The following AP3B1 variants were observed in gnomAD, a reference collection of about 807,000 sequenced individuals.
AP3B1 encodes adaptor related protein complex 3 subunit beta 1, also known as AP-3 complex subunit beta-1.
Under a neutral mutation model 132.5 loss-of-function variants are expected in AP3B1, and 61 were observed. That is an observed-to-expected ratio of 0.46 (90% CI 0.37 to 0.57). AP3B1 has a LOEUF of 0.57. Among genes scored for constraint, AP3B1 ranks in the 20% least tolerant of loss-of-function variants. AP3B1 has a pLI of 0.00. For synonymous variants in AP3B1, 388 were observed against 438.3 expected (o/e 0.89, Z 1.43); for missense variants, 1,120 against 1,289.4 (o/e 0.87, Z 2.01).
rs145416941 is a variant in AP3B1, at chr5:78,155,030, TG to T, written c.1473+1227del. The stretch of plus-strand genomic sequence containing the variant: ...ATGCTTACAGATGTTCATCAGTCTC[TG>T]GGCATTGAAGTTAGGTATTTATTGT... On this transcript the variant is annotated intron_variant, in intron 14 of 26. Transcript: ENST00000255194. Among the ~76,000 whole-genome samples, 691 of 152,332 alleles carry T rather than the reference TG, an allele frequency of 4.5e-3. 1 individual carries two copies. Among genetic ancestry groups the T allele is most frequent in the African/African-American group, 0.016 (656 of 41,568 alleles).
intron 22 of AP3B1, among the ~76,000 whole-genome samples, chr5:78,054,604 T>G (rs900830093): frequency 6.6e-6 from 1 of 152,180 alleles, no homozygotes; most frequent in Non-Finnish European, 1.5e-5. Flanking sequence ...AGAGAAAAGC[T>G]AGGCCATGAA....
At chr5:78,198,703 C>A (rs1294664642) in intron 7 of AP3B1, among the ~76,000 whole-genome samples, 1 of 152,162 alleles carries the variant, frequency 6.6e-6, no homozygotes, top group Non-Finnish European at 1.5e-5. Context: ...ATAGCACATA[C>A]CACAGCAGTA....
intron 15 of AP3B1, 91 bp downstream of exon 15, chr5:78,141,052 G>A: frequency 1.7e-6 from 2 of 1,202,104 alleles, no homozygotes; most frequent in Non-Finnish European, 2.5e-6. Context: ...TTGTTGAATG[G>A]TCAGACTAAT....
intron 5 of AP3B1, among the ~76,000 whole-genome samples, chr5:78,225,919 A>G (rs893183202): frequency 2.6e-5 from 4 of 151,972 alleles, no homozygotes; most frequent in Non-Finnish European, 4.4e-5. Context: ...ATAAACCACA[A>G]ACTCTTTTCA....
intron 22 of AP3B1, chr5:78,043,519 G>T (rs139055843): frequency 3.0e-6 from 1 of 330,464 alleles, no homozygotes; most frequent in Non-Finnish European, 6.2e-6. Flanking sequence ...AGGGTAATGG[G>T]ATAGGCTATG....
intron 20 of AP3B1, among the ~76,000 whole-genome samples, chr5:78,107,252 G>A (rs1415487171): frequency 6.6e-6 from 1 of 152,142 alleles, no homozygotes; most frequent in Non-Finnish European, 1.5e-5. Flanking sequence ...CATAAAAAAA[G>A]ATCAAGATTA....
intron 3 of AP3B1, among the ~76,000 whole-genome samples, chr5:78,232,004 G>A (rs1383966211): frequency 6.6e-6 from 1 of 152,140 alleles, no homozygotes; most frequent in East Asian, 1.9e-4. Context: ...AACTATCTCT[G>A]TGTGATGGTA....
chr5:78,039,803 G>GA (rs1217620341), intron 22 of AP3B1, among the ~76,000 whole-genome samples: 80 of 129,872 alleles, frequency 6.2e-4, no homozygotes, highest in African/African-American at 1.0e-3. Context: ...GAAAAGAAAA[G>GA]AAAAAAAAAA....
At chr5:78,198,392 C>A (rs10036446) in intron 7 of AP3B1, among the ~76,000 whole-genome samples, 45,264 of 151,994 alleles carry the variant, frequency 0.3, 6,962 homozygotes, top group Middle Eastern at 0.35. Context: ...TCACAGTTCT[C>A]GGGGCTGAAA....
chr5:78,064,924 G>A (rs1361347791), intron 22 of AP3B1, among the ~76,000 whole-genome samples: 1 of 152,164 alleles, frequency 6.6e-6, no homozygotes, highest in Non-Finnish European at 1.5e-5. Flanking sequence ...CAAGATGACT[G>A]ACTAGAAACA....
At chr5:78,130,037 A>G (rs1304296451) in intron 15 of AP3B1, among the ~76,000 whole-genome samples, 2 of 152,162 alleles carry the variant, frequency 1.3e-5, no homozygotes, top group Non-Finnish European at 2.9e-5. Context: ...AGTAGCTTTT[A>G]CACCATAATA....
intron 18 of AP3B1, 35 bp from the exon 19 acceptor site, chr5:78,113,958 GTCA>G: frequency 6.2e-7 from 1 of 1,605,070 alleles, no homozygotes; most frequent in Non-Finnish European, 8.5e-7. Context: ...TAGATTTATA[GTCA>G]TTTAATTAGA....
intron 7 of AP3B1, among the ~76,000 whole-genome samples, chr5:78,189,490 C>G (rs1744738803): frequency 6.6e-6 from 1 of 152,118 alleles, no homozygotes; most frequent in Non-Finnish European, 1.5e-5. Context: ...GAATCACTAT[C>G]TTATTAAAAT....
chr5:78,256,358 C>G (rs999636431), intron 2 of AP3B1, among the ~76,000 whole-genome samples: 10 of 151,872 alleles, frequency 6.6e-5, no homozygotes, highest in African/African-American at 2.4e-4. Context: ...TACAGAAATT[C>G]AAAGGATCAT....
At chr5:78,055,418 A>G (rs1455805052) in intron 22 of AP3B1, among the ~76,000 whole-genome samples, 1 of 152,252 alleles carries the variant, frequency 6.6e-6, no homozygotes, top group Non-Finnish European at 1.5e-5. Context: ...GAAGAAAATC[A>G]TTTAACTTCT....
intron 22 of AP3B1, among the ~76,000 whole-genome samples, chr5:78,071,368 T>C (rs965676794): frequency 7.9e-5 from 12 of 151,914 alleles, no homozygotes; most frequent in Admixed American, 1.3e-4. Flanking sequence ...TGAGAACACA[T>C]GGACACAGGG....
chr5:78,077,362 T>C (rs1356246749), intron 22 of AP3B1, among the ~76,000 whole-genome samples: 1 of 152,154 alleles, frequency 6.6e-6, no homozygotes, highest in Non-Finnish European at 1.5e-5. Flanking sequence ...CTGCCCCCCA[T>C]GAATCCCCAA....
chr5:78,168,207 GACA>G (rs1411903634), intron 11 of AP3B1, among the ~76,000 whole-genome samples: 15 of 148,728 alleles, frequency 1.0e-4, no homozygotes, highest in Admixed American at 1.3e-4. Flanking sequence ...TTAACTTTTA[GACA>G]ACTTTTTTCT....
At chr5:78,077,917 CTTTT>C (rs1749828917) in intron 22 of AP3B1, among the ~76,000 whole-genome samples, 1 of 152,080 alleles carries the variant, frequency 6.6e-6, no homozygotes, top group Admixed American at 6.6e-5. Context: ...TTTTATTTGG[CTTTT>C]TTCTTTGTTG....
Sources: allele counts gnomAD v4.1 joint callset (sites outside exome capture counted in the v4.1 genomes callset), GRCh38; gene constraint gnomAD v4.1.1; transcripts MANE v1.5; gene names NCBI Gene and HGNC (gene_info 2026-07-23, HGNC 2026-07-21).